The following ANO6 variants were observed in gnomAD, a reference collection of about 807,000 sequenced individuals.
The protein encoded by ANO6 is anoctamin 6, also known as anoctamin-6.
ANO6 carries 106 observed loss-of-function variants against 117.5 expected under a neutral mutation model. The ratio of observed to expected loss-of-function variants is 0.90; its 90% CI spans 0.77 to 1.06. The LOEUF (loss-of-function observed/expected upper bound fraction) is 1.06. Among genes scored for constraint, ANO6 ranks in the 50% least tolerant of loss-of-function variants. The probability of loss-of-function intolerance (pLI) is 0.00; values close to 1 mark genes in which losing one functional copy is unlikely to be tolerated. For synonymous variants in ANO6, 367 were observed against 385.1 expected, an observed-to-expected ratio of 0.95 and a Z score of 0.55; for missense variants, 955 against 1,121.1, an observed-to-expected ratio of 0.85 and a Z score of 2.12.
chr12:45,378,216 C>A, intron 10 of ANO6, 103 bp downstream of exon 10: 3 of 1,086,198 alleles, frequency 2.8e-6, no homozygotes, highest in Non-Finnish European at 4.1e-6. Context: ...ATTGCCCAGG[C>A]TTCAACTCCC....
At chr12:45,376,368 T>C (rs71461112) in intron 9 of ANO6, among the ~76,000 whole-genome samples, 8,512 of 123,468 alleles carry the variant, frequency 0.069, 188 homozygotes, top group East Asian at 0.3. Context: ...ACCCAAAGGA[T>C]TATAAATCAT....
intron 2 of ANO6, among the ~76,000 whole-genome samples, chr12:45,330,046 C>T (rs1231408291): frequency 1.3e-5 from 2 of 152,084 alleles, no homozygotes; most frequent in African/African-American, 4.8e-5. Flanking sequence ...GGAAAGGTCT[C>T]ATGGCAGTCA....
At chr12:45,305,352 A>G (rs945153358) in intron 2 of ANO6, among the ~76,000 whole-genome samples, 1 of 152,198 alleles carries the variant, frequency 6.6e-6, no homozygotes, top group African/African-American at 2.4e-5. Context: ...AATCTGTTTT[A>G]TAACTCGTTT....
Position 45,409,388 on chromosome 12 carries a change from A to T in ANO6, c.1912A>T (p.Arg638Ter), listed in dbSNP as rs769466283. Residue 638 changes from arginine to a stop codon, truncating the protein, a stop_gained, in exon 16 of 20, where the codon AGA (arginine) becomes TGA (stop). Coordinates refer to ENST00000320560, the MANE Select transcript of ANO6 (RefSeq NM_001025356.3). LOFTEE classifies it high-confidence loss of function. ...CATGAATCTAATTGGGCGATTTCAC[A>T]GAGTTTCTGGATCAGAAAAGATAAC... ...WIMNLIGRFH[R>*]VSGSEKITPR... 9 of 1,613,948 alleles carry T rather than the reference A, an allele frequency of 5.6e-6. No individual in the cohort carries two copies. The highest frequency in any genetic ancestry group is 8.5e-7 in the Non-Finnish European group (1 of 1,179,962).
At chr12:45,369,623 G>GAA (rs373646690) in intron 9 of ANO6, among the ~76,000 whole-genome samples, 1 of 148,088 alleles carries the variant, frequency 6.8e-6, no homozygotes, top group Non-Finnish European at 1.5e-5. Context: ...GGACTAAATG[G>GAA]AAAAAAAAAA....
Position 45,348,304 on chromosome 12 carries a change from A to G in ANO6, c.622A>G (p.Arg208Gly). ...DRDAFFNPAT[R>G]SRIVYFILSR... ...AGATGCTTTCTTCAATCCAGCCACCAGAAGCCGCATTGTAAGTCTAAACCA... is the reference window on the plus strand; with the variant it reads ...AGATGCTTTCTTCAATCCAGCCACCGGAAGCCGCATTGTAAGTCTAAACCA... Residue 208 changes from arginine (R) to glycine (G), a missense_variant, in exon 5 of 20, where the codon AGA becomes GGA. Arg to Gly is a moderately radical substitution (Grantham distance 125). Transcript: ENST00000320560. The G allele has an allele frequency of 6.2e-7, 1 of 1,614,112 alleles. No individual in the cohort carries two copies. The highest frequency in any genetic ancestry group is 8.5e-7 in the Non-Finnish European group (1 of 1,179,972).
intron 1 of ANO6, among the ~76,000 whole-genome samples, chr12:45,245,322 G>A (rs12320168): frequency 0.17 from 25,418 of 151,766 alleles, 3,287 homozygotes; most frequent in East Asian, 0.35. Flanking sequence ...TGACATTTCT[G>A]TGTACTAAAA....
At position 45,251,785 on chromosome 12, in the gene ANO6, C is replaced by T. The variant is rs190357378; in HGVS notation, c.70+35394C>T. On this transcript the variant is annotated intron_variant, in intron 1 of 19. Transcript: ENST00000320560. Reference sequence around the variant, plus strand: ...GTTTTAAAGTTGATATAGTCCCATTCACTGTGTGTGGTAGAGTTTGTTCAA... The same window carrying T: ...GTTTTAAAGTTGATATAGTCCCATTTACTGTGTGTGGTAGAGTTTGTTCAA... Among the ~76,000 whole-genome samples, 49 of 152,306 alleles carry T rather than the reference C, an allele frequency of 3.2e-4. 1 individual carries two copies. The highest frequency in any genetic ancestry group is 1.1e-3 in the African/African-American group (45 of 41,570).
intron 1 of ANO6, among the ~76,000 whole-genome samples, chr12:45,285,453 G>T (rs1010221017): frequency 6.6e-6 from 1 of 152,176 alleles, no homozygotes; most frequent in African/African-American, 2.4e-5. Context: ...GCAGTAAAAA[G>T]GCTACCGAGG....
intron 1 of ANO6, among the ~76,000 whole-genome samples, chr12:45,265,088 G>A (rs1938170877): frequency 6.6e-6 from 1 of 152,088 alleles, no homozygotes; most frequent in Non-Finnish European, 1.5e-5. Context: ...TAAGGCATTG[G>A]CATTTTCATT....
At chr12:45,394,503 A>G (rs1322122963) in intron 12 of ANO6, among the ~76,000 whole-genome samples, 1 of 152,208 alleles carries the variant, frequency 6.6e-6, no homozygotes, top group East Asian at 1.9e-4. Flanking sequence ...CCTAATGGAC[A>G]TCTACAGAAC....
intron 7 of ANO6, among the ~76,000 whole-genome samples, chr12:45,351,077 T>C (rs1184146572): frequency 3.3e-5 from 5 of 152,180 alleles, no homozygotes; most frequent in Non-Finnish European, 7.3e-5. Flanking sequence ...AGTCATCTCA[T>C]TAGCACAAAC....
intron 1 of ANO6, among the ~76,000 whole-genome samples, chr12:45,245,664 G>A (rs1226654172): frequency 6.6e-6 from 1 of 151,944 alleles, no homozygotes; most frequent in Admixed American, 6.6e-5. Flanking sequence ...AACCTTAACT[G>A]TTAAAGCTTT....
intron 8 of ANO6, among the ~76,000 whole-genome samples, chr12:45,366,209 A>T (rs988974731): frequency 6.6e-6 from 1 of 151,312 alleles, no homozygotes; most frequent in Non-Finnish European, 1.5e-5. Context: ...ACTTTTACCA[A>T]TTTGTGGCTT....
At chr12:45,439,064 A>G (rs939386012) in intron 19 of ANO6, among the ~76,000 whole-genome samples, 1 of 152,212 alleles carries the variant, frequency 6.6e-6, no homozygotes, top group Non-Finnish European at 1.5e-5. Flanking sequence ...CAAGTCACCA[A>G]ATCAAGATGA....
At chr12:45,229,013 T>G (rs183602590) in intron 1 of ANO6, among the ~76,000 whole-genome samples, 89 of 152,270 alleles carry the variant, frequency 5.8e-4, no homozygotes, top group African/African-American at 2.0e-3. Flanking sequence ...GACTAGGCCA[T>G]GTACTGGAGC....
At chr12:45,334,456 T>G (rs906493341) in intron 3 of ANO6, among the ~76,000 whole-genome samples, 3 of 152,074 alleles carry the variant, frequency 2.0e-5, no homozygotes, top group Admixed American at 2.0e-4. Flanking sequence ...AGATGGCTGC[T>G]GCAACTCCAG....
intron 10 of ANO6, among the ~76,000 whole-genome samples, chr12:45,387,908 T>C (rs557394248): frequency 6.6e-6 from 1 of 152,230 alleles, no homozygotes; most frequent in South Asian, 2.1e-4. Flanking sequence ...CTCTCTCTCC[T>C]ATTGCCATGT....
intron 2 of ANO6, among the ~76,000 whole-genome samples, chr12:45,307,845 T>A (rs1939718884): frequency 6.6e-6 from 1 of 151,762 alleles, no homozygotes; most frequent in Non-Finnish European, 1.5e-5. Context: ...AAGTATAAAG[T>A]AGGAAGGAAT....
Sources: gnomAD v4.1 joint callset for allele counts (sites outside exome capture counted in the v4.1 genomes callset) on GRCh38, gnomAD v4.1.1 for gene constraint, MANE v1.5 for transcripts, NCBI Gene and HGNC (gene_info 2026-07-23, HGNC 2026-07-21) for gene names.